Variants in RBMS3 observed in about 807,000 individuals in gnomAD.
The protein encoded by RBMS3 is RNA-binding motif, single-stranded-interacting protein 3.
Under a neutral mutation model 66.8 loss-of-function variants are expected in RBMS3, and 27 were observed. The ratio of observed to expected loss-of-function variants is 0.40; its 90% CI spans 0.30 to 0.56. RBMS3 has a LOEUF of 0.56. RBMS3 is among the 20% of genes least tolerant of loss of function. The pLI is 0.40. For missense variants in RBMS3, 513 were observed against 549.5 expected (o/e 0.93, Z 0.66); for synonymous variants, 188 against 183.0 (o/e 1.03, Z -0.22).
At chr3:29,573,873 C>T (rs528821740) in intron 3 of RBMS3, among the ~76,000 whole-genome samples, 60 of 152,134 alleles carry the variant, frequency 3.9e-4, no homozygotes, top group Admixed American at 7.2e-4. Flanking sequence ...ATATAGTTTC[C>T]AAAATTCCTC....
At chr3:29,458,074 C>T (rs1026246302) in intron 2 of RBMS3, among the ~76,000 whole-genome samples, 2 of 152,122 alleles carry the variant, frequency 1.3e-5, no homozygotes, top group Non-Finnish European at 2.9e-5. Flanking sequence ...TCACATAGCA[C>T]CTTGTCCTTA....
intron 2 of RBMS3, among the ~76,000 whole-genome samples, chr3:29,463,702 A>G (rs1195830642): frequency 6.6e-6 from 1 of 151,768 alleles, no homozygotes; most frequent in Non-Finnish European, 1.5e-5. Context: ...GGCAGCTGGA[A>G]CCCTTAGCAT....
At chr3:29,363,805 A>C (rs1403154340) in intron 1 of RBMS3, among the ~76,000 whole-genome samples, 2 of 152,042 alleles carry the variant, frequency 1.3e-5, no homozygotes, top group Non-Finnish European at 2.9e-5. Context: ...CAATTAAAAA[A>C]AAAAAAAAAA....
At chr3:29,454,699 T>A (rs1437734418) in intron 2 of RBMS3, among the ~76,000 whole-genome samples, 1 of 152,208 alleles carries the variant, frequency 6.6e-6, no homozygotes, top group East Asian at 1.9e-4. Context: ...TATTCTGCCA[T>A]GGTAAAAATT....
intron 1 of RBMS3, among the ~76,000 whole-genome samples, chr3:29,375,006 A>G (rs1229946390): frequency 6.6e-6 from 1 of 152,224 alleles, no homozygotes; most frequent in Non-Finnish European, 1.5e-5. Flanking sequence ...TAGTACAAGA[A>G]CAGAAACATA....
chr3:29,369,412 A>G (rs1175950366), intron 1 of RBMS3, among the ~76,000 whole-genome samples: 1 of 151,368 alleles, frequency 6.6e-6, no homozygotes, highest in African/African-American at 2.4e-5. Context: ...TTACTTTTGC[A>G]CCAACCTAAT....
At chr3:29,966,752 G>A (rs9845185) in intron 12 of RBMS3, among the ~76,000 whole-genome samples, 4,819 of 152,190 alleles carry the variant, frequency 0.032, 150 homozygotes, top group African/African-American at 0.072. Context: ...GTGACAGTGG[G>A]CATCCTTGTC....
At chr3:29,701,912 C>A (rs1380674815) in intron 4 of RBMS3, among the ~76,000 whole-genome samples, 6 of 152,140 alleles carry the variant, frequency 3.9e-5, no homozygotes, top group Non-Finnish European at 8.8e-5. Context: ...CGCCCAAAGG[C>A]TGAGGAGTGC....
chr3:29,726,912 A>G (rs2053905474), intron 4 of RBMS3, among the ~76,000 whole-genome samples: 2 of 152,198 alleles, frequency 1.3e-5, no homozygotes, highest in Admixed American at 1.3e-4. Flanking sequence ...AGCCAAGACA[A>G]TCCTAAGCAA....
At chr3:29,754,861 GA>G (rs2055335724) in intron 5 of RBMS3, among the ~76,000 whole-genome samples, 1 of 152,180 alleles carries the variant, frequency 6.6e-6, no homozygotes, top group Non-Finnish European at 1.5e-5. Context: ...TGAAGATAAT[GA>G]GTGAGAAAGC....
At chr3:29,408,779 T>C (rs1250969321) in intron 1 of RBMS3, among the ~76,000 whole-genome samples, 1 of 152,142 alleles carries the variant, frequency 6.6e-6, no homozygotes, top group Non-Finnish European at 1.5e-5. Context: ...CAATACAGAG[T>C]TGAAGAATCT....
intron 4 of RBMS3, among the ~76,000 whole-genome samples, chr3:29,712,339 G>T (rs1289763413): frequency 1.3e-5 from 2 of 151,826 alleles, no homozygotes; most frequent in East Asian, 3.9e-4. Context: ...TTGAGACAGG[G>T]TCTCACTCTG....
At chr3:29,746,080 T>C (rs1213149721) in intron 5 of RBMS3, among the ~76,000 whole-genome samples, 1 of 152,168 alleles carries the variant, frequency 6.6e-6, no homozygotes, top group Non-Finnish European at 1.5e-5. Flanking sequence ...TGAAATATAA[T>C]GAGACCACAG....
intron 4 of RBMS3, among the ~76,000 whole-genome samples, chr3:29,627,692 T>C (rs998355029): frequency 6.6e-6 from 1 of 152,216 alleles, no homozygotes; most frequent in African/African-American, 2.4e-5. Context: ...CATTTCCTCC[T>C]ATAGACTGTG....
At chr3:29,702,554 A>G (rs6795816) in intron 4 of RBMS3, among the ~76,000 whole-genome samples, 15,066 of 152,164 alleles carry the variant, frequency 0.099, 2,450 homozygotes, top group African/African-American at 0.34. Flanking sequence ...TCACTTTTTG[A>G]GTCCACACCA....
At chr3:29,944,386 AG>A in intron 12 of RBMS3, 132 bp downstream of exon 12, 1 of 694,468 alleles carries the variant, frequency 1.4e-6, no homozygotes, top group South Asian at 1.7e-5. Context: ...CCAGTTTGCA[AG>A]GGGGCATGTG....
At chr3:29,706,537 C>T (rs1295350832) in intron 4 of RBMS3, among the ~76,000 whole-genome samples, 1 of 152,164 alleles carries the variant, frequency 6.6e-6, no homozygotes, top group Non-Finnish European at 1.5e-5. Context: ...GGATCCCTTT[C>T]AGTGAAGCTT....
chr3:29,656,169 T>C (rs1396627495), intron 4 of RBMS3, among the ~76,000 whole-genome samples: 1 of 152,172 alleles, frequency 6.6e-6, no homozygotes, highest in Non-Finnish European at 1.5e-5. Context: ...AAATGAAGTG[T>C]AGCCTAAGTA....
chr3:29,408,271 C>CAAAAAA (rs10708935), intron 1 of RBMS3, among the ~76,000 whole-genome samples: 1 of 74,866 alleles, frequency 1.3e-5, no homozygotes, highest in Non-Finnish European at 2.7e-5. Flanking sequence ...GACTCCATCT[C>CAAAAAA]AAAAAAAAAA....
Sources: allele counts gnomAD v4.1 joint callset (sites outside exome capture counted in the v4.1 genomes callset), GRCh38; gene constraint gnomAD v4.1.1; transcripts MANE v1.5; gene names NCBI Gene and HGNC (gene_info 2026-07-23, HGNC 2026-07-21).